Variants in RYR3 observed in about 807,000 individuals in gnomAD.
The protein encoded by RYR3 is brain ryanodine receptor-calcium release channel.
In RYR3, 207 loss-of-function variants were observed where a neutral mutation model predicts 584.3. The ratio of observed to expected loss-of-function variants is 0.35; its 90% CI spans 0.32 to 0.40. RYR3 has a LOEUF of 0.40. RYR3 is among the 10% of genes least tolerant of loss of function. The probability of loss-of-function intolerance (pLI) is 1.00; values close to 1 mark genes in which losing one functional copy is unlikely to be tolerated. For missense variants in RYR3, 5,616 were observed against 6,089.2 expected (o/e 0.92, Z 2.59); for synonymous variants, 2,416 against 2,248.5 (o/e 1.07, Z -2.11).
chr15:33,717,161 T>C (rs1268942239), intron 43 of RYR3, among the ~76,000 whole-genome samples: 4 of 152,200 alleles, frequency 2.6e-5, no homozygotes, highest in Non-Finnish European at 5.9e-5. Flanking sequence ...CCACCCTGCA[T>C]GGTTTCATGG....
rs2070705581 is a variant in RYR3, at chr15:33,746,272, A to G, written c.7989+115A>G. On this transcript the variant is annotated intron_variant, in intron 53 of 103. Transcript: ENST00000634891. ...TCACGTCCCTACAACATCATCATCT[A>G]GGACTCAGTAAACTGTTCACAAGCT... 6 of 767,966 alleles carry G rather than the reference A, an allele frequency of 7.8e-6. No homozygotes were observed. In the East Asian group the frequency reaches 1.3e-4, roughly 17 times the overall value. The allele number at this position is 767,966 out of a possible 1,614,324, so 47.6% of individuals were successfully genotyped here.
At chr15:33,744,558 G>A (rs1286817903) in intron 52 of RYR3, among the ~76,000 whole-genome samples, 2 of 152,198 alleles carry the variant, frequency 1.3e-5, no homozygotes, top group East Asian at 3.9e-4. Flanking sequence ...ATGAGCACAG[G>A]ATTAGAACAC....
intron 69 of RYR3, among the ~76,000 whole-genome samples, chr15:33,806,759 T>C (rs1173905691): frequency 1.1e-5 from 1 of 90,634 alleles, no homozygotes; most frequent in Non-Finnish European, 2.2e-5. Context: ...TCTTTTTTCC[T>C]TTTTTTTTTT....
chr15:33,593,987 A>G (rs1213457896), intron 16 of RYR3, among the ~76,000 whole-genome samples: 1 of 152,188 alleles, frequency 6.6e-6, no homozygotes, highest in Non-Finnish European at 1.5e-5. Context: ...CTCAGATACA[A>G]CTTCTTAAAG....
intron 22 of RYR3, 142 bp downstream of exon 22, chr15:33,630,185 C>T (rs1222247524): frequency 1.7e-6 from 1 of 585,456 alleles, no homozygotes; most frequent in Non-Finnish European, 3.0e-6. Context: ...AATCATGTCA[C>T]AAGAGGATTT....
At chr15:33,428,672 C>T (rs914971118) in intron 1 of RYR3, among the ~76,000 whole-genome samples, 2 of 151,968 alleles carry the variant, frequency 1.3e-5, no homozygotes, top group African/African-American at 4.8e-5. Context: ...TCTAAGATTA[C>T]TTGATTCCTT....
chr15:33,717,192 C>A (rs1357445848), intron 43 of RYR3, among the ~76,000 whole-genome samples: 1 of 152,196 alleles, frequency 6.6e-6, no homozygotes, highest in Non-Finnish European at 1.5e-5. Flanking sequence ...CACGTATACA[C>A]TGATGATCCC....
intron 38 of RYR3, among the ~76,000 whole-genome samples, chr15:33,675,739 CT>C (rs1428764441): frequency 6.6e-6 from 1 of 152,182 alleles, no homozygotes; most frequent in African/African-American, 2.4e-5. Flanking sequence ...ATAGTAAGCG[CT>C]TAATTTTAAC....
intron 1 of RYR3, among the ~76,000 whole-genome samples, chr15:33,464,567 G>A (rs1326470657): frequency 6.9e-6 from 1 of 144,170 alleles, no homozygotes; most frequent in African/African-American, 2.5e-5. Flanking sequence ...TAGATAATAT[G>A]TATTTAATAT....
At chr15:33,612,482 T>G (rs2060244164) in intron 18 of RYR3, among the ~76,000 whole-genome samples, 1 of 152,168 alleles carries the variant, frequency 6.6e-6, no homozygotes, top group African/African-American at 2.4e-5. Context: ...TGCCTCAGCC[T>G]CCCGAGTAGC....
At chr15:33,511,477 G>A (rs556063309) in intron 3 of RYR3, among the ~76,000 whole-genome samples, 10 of 151,944 alleles carry the variant, frequency 6.6e-5, no homozygotes, top group Middle Eastern at 3.4e-3. Context: ...CTCGGAATGG[G>A]TATGTTATTC....
intron 10 of RYR3, among the ~76,000 whole-genome samples, chr15:33,552,935 G>GC (rs1249009478): frequency 6.6e-6 from 1 of 152,120 alleles, no homozygotes; most frequent in African/African-American, 2.4e-5. Context: ...ACAATACCCA[G>GC]CAGAAAGAGG....
In RYR3 at chr15:33,865,295, G is replaced by C; in HGVS notation, c.*69G>C. 2 of 1,046,876 alleles carry C rather than the reference G, an allele frequency of 1.9e-6. No individual in the cohort carries two copies. The highest frequency in any genetic ancestry group is 2.9e-6 in the Non-Finnish European group (2 of 695,972). The allele number at this position is 1,046,876 out of a possible 1,614,324, so 64.8% of individuals were successfully genotyped here. The stretch of plus-strand genomic sequence containing the variant: ...CATGAAATAAAGTCCCCTTTTTACA[G>C]TTCTGCAACATATCTGAAATGTGAC... On this transcript the variant is annotated 3_prime_UTR_variant, in exon 104 of 104. Transcript: ENST00000634891.
chr15:33,673,148 C>T (rs1192962645), intron 38 of RYR3, among the ~76,000 whole-genome samples: 3 of 152,252 alleles, frequency 2.0e-5, no homozygotes, highest in African/African-American at 7.2e-5. Context: ...CCTACTACAT[C>T]TGTGAGATAT....
At chr15:33,378,382 A>G (rs1057211634) in intron 1 of RYR3, among the ~76,000 whole-genome samples, 4 of 152,186 alleles carry the variant, frequency 2.6e-5, no homozygotes, top group Non-Finnish European at 5.9e-5. Flanking sequence ...TTCCTGGGAG[A>G]AGTGTCAAGT....
intron 85 of RYR3, among the ~76,000 whole-genome samples, chr15:33,829,890 G>C (rs1318731420): frequency 6.6e-6 from 1 of 152,180 alleles, no homozygotes; most frequent in Non-Finnish European, 1.5e-5. Context: ...ATGCAGACGT[G>C]TTGGAAATAG....
intron 1 of RYR3, among the ~76,000 whole-genome samples, chr15:33,448,223 TCTGGCCAGCTG>T (rs1276122758): frequency 1.3e-5 from 2 of 152,176 alleles, no homozygotes; most frequent in African/African-American, 4.8e-5. Flanking sequence ...AAAGCAGACG[TCTGGCCAGCTG>T]CTGGCCTCGA....
chr15:33,531,649 T>TATA (rs1567464056), intron 4 of RYR3, among the ~76,000 whole-genome samples: 1 of 146,884 alleles, frequency 6.8e-6, no homozygotes, highest in African/African-American at 2.5e-5. Context: ...ATATATATAT[T>TATA]TTTTTTTCTG....
chr15:33,650,160 C>T (rs555130737), intron 31 of RYR3, among the ~76,000 whole-genome samples: 12 of 152,142 alleles, frequency 7.9e-5, no homozygotes, highest in African/African-American at 2.9e-4. Flanking sequence ...GGGCGGATGA[C>T]GAGTTCAAGA....
Sources: allele counts gnomAD v4.1 joint callset (sites outside exome capture counted in the v4.1 genomes callset), GRCh38; gene constraint gnomAD v4.1.1; transcripts MANE v1.5; gene names NCBI Gene and HGNC (gene_info 2026-07-23, HGNC 2026-07-21).